KLHL13: variants seen among roughly 807,000 people sequenced by gnomAD.
KLHL13 encodes kelch like family member 13, also known as kelch-like protein 13.
Under a neutral mutation model 37.1 loss-of-function variants are expected in KLHL13, and 10 were observed. That is an observed-to-expected ratio of 0.27 (90% CI 0.17 to 0.46). The LOEUF (loss-of-function observed/expected upper bound fraction) is 0.46. Ranked by LOEUF, KLHL13 falls within the 20% of genes least tolerant of loss-of-function variation. The pLI is 1.00. For synonymous variants in KLHL13, 163 were observed against 181.2 expected (o/e 0.90, Z 0.81); for missense variants, 360 against 509.3 (o/e 0.71, Z 2.82).
intron 4 of KLHL13, 74 bp downstream of exon 5, chrX:117,919,447 A>T: frequency 1.2e-6 from 1 of 831,972 alleles, no homozygotes; most frequent in South Asian, 2.1e-5. Flanking sequence ...ATTCCTGCAC[A>T]GCAGATTTCA....
At chrX:118,050,869 T>C (rs2054606018) in intron 1 of KLHL13, among the ~76,000 whole-genome samples, 1 of 112,119 alleles carries the variant, frequency 8.9e-6, no homozygotes, top group Non-Finnish European at 1.9e-5. Context: ...ACATCAGAGT[T>C]TGGAGACATG....
chrX:117,990,233 C>T (rs1156498341), intron 1 of KLHL13, among the ~76,000 whole-genome samples: 3 of 111,182 alleles, frequency 2.7e-5, no homozygotes, highest in Admixed American at 9.5e-5. Context: ...TGGCAGGGGG[C>T]CCAGCATAGT....
Position 117,953,714 on chromosome X carries a change from A to G in KLHL13, c.99-8139T>C, listed in dbSNP as rs113658113. On this transcript the variant is annotated intron_variant, in intron 1 of 6. Transcript: ENST00000262820. ...TTATACCAAGCCTAAAAAATTAAAA[A>G]TAGCAGACAGTAGAGGCTATAAGTC... Among the ~76,000 whole-genome samples the G allele has an allele frequency of 5.4e-3, 608 of 111,777 alleles. 2 individuals carry two copies. Among genetic ancestry groups the G allele is most frequent in the Admixed American group, 9.7e-3 (102 of 10,477 alleles).
chrX:118,008,590 A>G (rs966121033), intron 1 of KLHL13, among the ~76,000 whole-genome samples: 7 of 112,038 alleles, frequency 6.2e-5, no homozygotes, highest in Admixed American at 4.7e-4. Flanking sequence ...CACTCTCTAA[A>G]AAGATCATCA....
chrX:118,019,347 T>C (rs1025705596), intron 1 of KLHL13, among the ~76,000 whole-genome samples: 7 of 111,339 alleles, frequency 6.3e-5, no homozygotes, highest in Non-Finnish European at 1.3e-4. Flanking sequence ...TTGTTTGTTT[T>C]TTTCTTGTAA....
At chrX:118,020,565 A>T (rs12383530) in intron 1 of KLHL13, among the ~76,000 whole-genome samples, 2 of 111,069 alleles carry the variant, frequency 1.8e-5, no homozygotes, top group East Asian at 5.6e-4. Context: ...TAGTTCAACC[A>T]TTGTGGAAGT....
chrX:118,088,197 C>G (rs1383087559), intron 1 of KLHL13, among the ~76,000 whole-genome samples: 1 of 111,845 alleles, frequency 8.9e-6, no homozygotes, highest in Non-Finnish European at 1.9e-5. Context: ...AAGCAGATAG[C>G]CTTTTCCTCA....
At chrX:118,086,743 A>C (rs2055058766) in intron 1 of KLHL13, among the ~76,000 whole-genome samples, 1 of 111,716 alleles carries the variant, frequency 9.0e-6, no homozygotes, top group Non-Finnish European at 1.9e-5. Context: ...GGCTGCCTCC[A>C]GAGAGAGAAG....
intron 1 of KLHL13, among the ~76,000 whole-genome samples, chrX:117,962,729 A>C (rs1413859102): frequency 8.9e-6 from 1 of 112,253 alleles, no homozygotes; most frequent in Non-Finnish European, 1.9e-5. Context: ...TATAATTAAT[A>C]GATGGCATGA....
rs189176753 is a variant in KLHL13, at chrX:118,095,997, C to T, written c.-56+20511G>A. 1.1e-3 allele frequency among the ~76,000 whole-genome samples: 127 copies of T among 111,318 alleles called. 1 individual carries two copies. In the Admixed American group the frequency reaches 0.012, roughly 11 times the overall value. On this transcript the variant is annotated intron_variant, in intron 1 of 6. Transcript: ENST00000371882. Reference sequence around the variant, plus strand: ...AGCAGGAAAGATCTAAAATTGAAACCCTAACATCACAATTAAAAGAACTAG... The same window carrying T: ...AGCAGGAAAGATCTAAAATTGAAACTCTAACATCACAATTAAAAGAACTAG...
chrX:118,025,941 G>A (rs1027162038), intron 1 of KLHL13, among the ~76,000 whole-genome samples: 2 of 111,725 alleles, frequency 1.8e-5, no homozygotes, highest in African/African-American at 6.5e-5. Context: ...GAAGAGATGA[G>A]CAGAAATATG....
intron 2 of KLHL13, among the ~76,000 whole-genome samples, chrX:117,926,885 CTTTTTTTTTTTTTTTTTTTTTTTT>C (rs10596292): frequency 1.1e-4 from 3 of 26,163 alleles, no homozygotes; most frequent in Admixed American, 9.3e-4. Context: ...CCCCCTACTT[CTTTTTTTTTTTTTTTTTTTTTTTT>C]TTTTTTTTTT....
intron 1 of KLHL13, among the ~76,000 whole-genome samples, chrX:118,009,971 C>T (rs193059427): frequency 1.8e-5 from 2 of 110,215 alleles, no homozygotes; most frequent in Admixed American, 9.7e-5. Context: ...ATTTATGCAG[C>T]CAAAAAACAA....
intron 1 of KLHL13, among the ~76,000 whole-genome samples, chrX:118,080,794 A>G (rs1432983587): frequency 2.7e-5 from 3 of 112,175 alleles, no homozygotes; most frequent in Non-Finnish European, 3.8e-5. Context: ...CATTATGCCA[A>G]AAATACACGT....
At chrX:118,020,658 T>C (rs2054195112) in intron 1 of KLHL13, among the ~76,000 whole-genome samples, 1 of 110,522 alleles carries the variant, frequency 9.0e-6, no homozygotes, top group South Asian at 4.0e-4. Flanking sequence ...ACCCAAAGGA[T>C]TATAGATCAT....
At chrX:117,940,986 T>C (rs1216573735) in intron 2 of KLHL13, among the ~76,000 whole-genome samples, 9 of 112,038 alleles carry the variant, frequency 8.0e-5, no homozygotes, top group African/African-American at 2.9e-4. Context: ...CTATGATGAA[T>C]AGGAGTGGTG....
chrX:117,907,786 T>C (rs1930649046), intron 5 of KLHL13, among the ~76,000 whole-genome samples: 2 of 110,141 alleles, frequency 1.8e-5, no homozygotes, highest in South Asian at 7.5e-4. Context: ...AAAATATCAT[T>C]GTAACAACAA....
At chrX:118,107,678 A>G (rs2055360305) in intron 1 of KLHL13, among the ~76,000 whole-genome samples, 2 of 112,023 alleles carry the variant, frequency 1.8e-5, no homozygotes, top group African/African-American at 6.5e-5. Context: ...GTTGCCCAAC[A>G]AAAGGCAGTC....
intron 1 of KLHL13, among the ~76,000 whole-genome samples, chrX:118,005,607 G>A (rs2053972913): frequency 9.0e-6 from 1 of 111,653 alleles, no homozygotes; most frequent in Admixed American, 9.6e-5. Context: ...GTGAGGAGAT[G>A]TGAGAAAGAT....
Sources: allele counts gnomAD v4.1 joint callset (sites outside exome capture counted in the v4.1 genomes callset), GRCh38; gene constraint gnomAD v4.1.1; transcripts MANE v1.5; gene names NCBI Gene and HGNC (gene_info 2026-07-23, HGNC 2026-07-21).